The following SUMF1 variants were observed in gnomAD, a reference collection of about 807,000 sequenced individuals.
SUMF1 encodes the protein formylglycine-generating enzyme.
A neutral mutation model predicts 47.6 loss-of-function variants in SUMF1; 48 were observed. The observed-to-expected ratio is 1.01, with a 90% confidence interval of 0.80 to 1.28. SUMF1 has a LOEUF of 1.28. Ranked by LOEUF, SUMF1 falls within the 50% of genes most tolerant of loss-of-function variation. SUMF1 has a pLI of 0.00. For missense variants in SUMF1, 571 were observed against 485.4 expected (o/e 1.18, Z -1.66); for synonymous variants, 230 against 192.1 (o/e 1.20, Z -1.63).
At chr3:4,331,318 ATGT>A (rs150907191) in intron 8 of SUMF1, among the ~76,000 whole-genome samples, 1,652 of 152,168 alleles carry the variant, frequency 0.011, 21 homozygotes, top group African/African-American at 0.036. Context: ...AACCAAAAAC[ATGT>A]CCTACTTCCC....
Position 4,039,790 on chromosome 3 carries a change from G to A in SUMF1, c.1191+28779C>T, listed in dbSNP as rs1259754605. On this transcript the variant is annotated intron_variant and NMD_transcript_variant, in intron 9 of 12. Transcript: ENST00000448413. The stretch of plus-strand genomic sequence containing the variant: ...AATCTCAGCACTTTTGGAGGCTGAG[G>A]CAGGAGGATCACTTGATGCCAGGAG... 3.3e-5 allele frequency among the ~76,000 whole-genome samples: 5 copies of A among 152,134 alleles called. No individual in the cohort carries two copies. The South Asian group carries it at 8.3e-4, about 25-fold the overall frequency.
At chr3:4,465,505 AAGAG>A (rs1183878635) in intron 1 of SUMF1, among the ~76,000 whole-genome samples, 3 of 152,110 alleles carry the variant, frequency 2.0e-5, no homozygotes, top group Admixed American at 6.6e-5. Context: ...AGAAAAAAGA[AAGAG>A]AGATTGATTA....
intron 8 of SUMF1, among the ~76,000 whole-genome samples, chr3:4,352,793 G>C (rs1316186869): frequency 6.6e-6 from 1 of 151,568 alleles, no homozygotes; most frequent in African/African-American, 2.4e-5. Flanking sequence ...GTCTGTGAAG[G>C]GGCCAGGGAA....
In SUMF1 at chr3:4,101,756, A is replaced by C. The variant is rs1017931952; in HGVS notation, c.1015-33011T>G. Among the ~76,000 whole-genome samples, 9 of 152,122 alleles carry C rather than the reference A, an allele frequency of 5.9e-5. 1 individual carries two copies. The highest frequency in any genetic ancestry group is 1.3e-4 in the Non-Finnish European group (9 of 68,030). ...AGTGGATCCACAGAACTCTGTTATC[A>C]ATTTTTTTCAGAGAGGTAGAAAATG... On this transcript the variant is annotated intron_variant and NMD_transcript_variant, in intron 8 of 12. Transcript: ENST00000448413.
chr3:4,219,537 C>G (rs565301474), intron 8 of SUMF1, among the ~76,000 whole-genome samples: 17 of 152,296 alleles, frequency 1.1e-4, no homozygotes, highest in East Asian at 9.7e-4. Context: ...AAGTCTCCCA[C>G]AGTCATGGTT....
At chr3:4,263,335 C>A (rs114063907) in intron 8 of SUMF1, among the ~76,000 whole-genome samples, 2 of 152,078 alleles carry the variant, frequency 1.3e-5, no homozygotes, top group Non-Finnish European at 2.9e-5. Flanking sequence ...TCTAAATCCA[C>A]GAGCATGATT....
At position 4,089,083 on chromosome 3, in the gene SUMF1, C is replaced by A. The variant is rs571501693; in HGVS notation, c.1015-20338G>T. Among the ~76,000 whole-genome samples, 6 of 152,188 alleles carry A rather than the reference C, an allele frequency of 3.9e-5. No homozygotes were observed. The South Asian group carries it at 1.2e-3, about 32-fold the overall frequency. ...CACAGTTCTATGGCCATGACCCACA[C>A]TGTGGAAGCTGGCACTAATAACATG... On this transcript the variant is annotated intron_variant and NMD_transcript_variant, in intron 8 of 12. Transcript: ENST00000448413.
chr3:4,074,633 C>A (rs1087829), intron 8 of SUMF1, among the ~76,000 whole-genome samples: 4 of 151,452 alleles, frequency 2.6e-5, no homozygotes, highest in African/African-American at 4.9e-5. Context: ...TCAAATAGAC[C>A]CAATAAAAAA....
At chr3:4,144,956 T>A (rs753406433) in intron 8 of SUMF1, among the ~76,000 whole-genome samples, 11 of 152,008 alleles carry the variant, frequency 7.2e-5, no homozygotes, top group Non-Finnish European at 1.5e-4. Context: ...TCCCAGCACT[T>A]TGGGAGGCCA....
chr3:4,398,600 G>A (rs565397255), intron 7 of SUMF1, among the ~76,000 whole-genome samples: 20 of 152,138 alleles, frequency 1.3e-4, no homozygotes, highest in Middle Eastern at 3.4e-3. Context: ...CAAGTCAGAC[G>A]TCAGATACAA....
intron 8 of SUMF1, among the ~76,000 whole-genome samples, chr3:4,365,291 G>T (rs560240577): frequency 1.6e-5 from 2 of 121,552 alleles, no homozygotes; most frequent in East Asian, 2.2e-4. Flanking sequence ...CTGTCTCGTT[G>T]ATCTGTCTAA....
chr3:4,217,502 TTAAAG>T (rs1470033122), intron 8 of SUMF1, among the ~76,000 whole-genome samples: 2 of 81,186 alleles, frequency 2.5e-5, no homozygotes, highest in East Asian at 6.3e-4. Context: ...ATCCCAGAAC[TTAAAG>T]TATTTTTTAT....
At chr3:4,294,930 G>A (rs879212821) in intron 8 of SUMF1, among the ~76,000 whole-genome samples, 2 of 152,138 alleles carry the variant, frequency 1.3e-5, no homozygotes, top group African/African-American at 4.8e-5. Flanking sequence ...CAATTCCTAC[G>A]TAGAGATCCG....
intron 8 of SUMF1, among the ~76,000 whole-genome samples, chr3:4,185,794 CAT>C (rs1695189417): frequency 6.6e-6 from 1 of 152,146 alleles, no homozygotes; most frequent in African/African-American, 2.4e-5. Flanking sequence ...ACTGCAGACA[CAT>C]GTGAATTACT....
chr3:4,454,558 C>T (rs1016365218), intron 1 of SUMF1, among the ~76,000 whole-genome samples: 4 of 152,124 alleles, frequency 2.6e-5, no homozygotes, highest in African/African-American at 7.2e-5. Context: ...AGTTATATGA[C>T]CCTGCAGTTC....
intron 9 of SUMF1, among the ~76,000 whole-genome samples, chr3:4,047,100 C>A (rs1265423164): frequency 1.3e-5 from 2 of 152,054 alleles, no homozygotes; most frequent in Non-Finnish European, 2.9e-5. Flanking sequence ...AACACTCCTG[C>A]CCCAGATCTT....
At chr3:4,287,378 C>T (rs573207866) in intron 8 of SUMF1, among the ~76,000 whole-genome samples, 4 of 150,524 alleles carry the variant, frequency 2.7e-5, no homozygotes, top group African/African-American at 9.9e-5. Context: ...TTCCAAATAG[C>T]CATTTAGAAG....
intron 9 of SUMF1, among the ~76,000 whole-genome samples, chr3:4,056,811 G>A (rs976239089): frequency 3.3e-5 from 5 of 151,750 alleles, no homozygotes; most frequent in Admixed American, 1.3e-4. Flanking sequence ...GTGCAATCTC[G>A]GCTCACTGCA....
At chr3:4,098,318 C>G (rs887106750) in intron 8 of SUMF1, among the ~76,000 whole-genome samples, 1 of 152,042 alleles carries the variant, frequency 6.6e-6, no homozygotes, top group Non-Finnish European at 1.5e-5. Flanking sequence ...ATATCTCTAA[C>G]AAGGTAGACT....
Sources: gnomAD v4.1 joint callset for allele counts (sites outside exome capture counted in the v4.1 genomes callset) on GRCh38, gnomAD v4.1.1 for gene constraint, MANE v1.5 for transcripts, NCBI Gene and HGNC (gene_info 2026-07-23, HGNC 2026-07-21) for gene names.